Variants in FGF18 observed in about 807,000 individuals in gnomAD.
FGF18 encodes the protein fibroblast growth factor 18.
FGF18 carries 5 observed loss-of-function variants against 23.0 expected under a neutral mutation model. The ratio of observed to expected loss-of-function variants is 0.22; its 90% CI spans 0.11 to 0.46. The LOEUF (loss-of-function observed/expected upper bound fraction) is 0.46, where lower values mean the gene tolerates loss of function less well. FGF18 is among the 20% of genes least tolerant of loss of function. The probability of loss-of-function intolerance (pLI) is 0.99; values close to 1 mark genes in which losing one functional copy is unlikely to be tolerated. For missense variants in FGF18, 180 were observed against 291.6 expected (o/e 0.62, Z 2.79); for synonymous variants, 117 against 118.9 (o/e 0.98, Z 0.10).
intron 2 of FGF18, among the ~76,000 whole-genome samples, chr5:171,430,374 A>G (rs953718170): frequency 9.9e-5 from 15 of 151,904 alleles, no homozygotes; most frequent in Non-Finnish European, 1.8e-4. Context: ...AAAAAAAAAA[A>G]AATTGTACCA....
Position 171,436,053 on chromosome 5 carries a change from G to A in FGF18, c.70-40G>A, listed in dbSNP as rs1467892975. The A allele has an allele frequency of 2.1e-6, 3 of 1,447,986 alleles. No individual in the cohort carries two copies. The highest frequency in any genetic ancestry group is 5.0e-5 in the Admixed American group (2 of 40,316). The allele number at this position is 1,447,986 out of a possible 1,614,324, so 89.7% of individuals were successfully genotyped here. ...TGGCTCCTGCATGCAGTGGGCCTGG[G>A]ACATCTGGGGTGGCTTACTGTGTCC... is the stretch of plus-strand genomic sequence containing the variant. On this transcript the variant is annotated intron_variant, in intron 2 of 4. Coordinates refer to ENST00000274625, the MANE Select transcript of FGF18 (RefSeq NM_003862.3). This position sits in a 1 kb window ranked among gnomAD's most constrained non-coding sequence, Gnocchi z 4.4.
At chr5:171,444,480 T>A (rs1263383785) in intron 3 of FGF18, among the ~76,000 whole-genome samples, 1 of 152,134 alleles carries the variant, frequency 6.6e-6, no homozygotes. Flanking sequence ...CAGCACATCA[T>A]AAGCTCTAAA....
At chr5:171,425,316 T>G (rs1385650172) in intron 2 of FGF18, among the ~76,000 whole-genome samples, 1 of 152,138 alleles carries the variant, frequency 6.6e-6, no homozygotes, top group East Asian at 1.9e-4. Flanking sequence ...CGATCTCGGC[T>G]AACTGCAACC....
At chr5:171,448,589 G>A (rs1369976228) in intron 3 of FGF18, among the ~76,000 whole-genome samples, 1 of 152,068 alleles carries the variant, frequency 6.6e-6, no homozygotes, top group Admixed American at 6.6e-5. Context: ...GTGGTTATTT[G>A]TATGGCATCT....
At chr5:171,428,997 A>T (rs1392690972) in intron 2 of FGF18, among the ~76,000 whole-genome samples, 2 of 152,152 alleles carry the variant, frequency 1.3e-5, no homozygotes, top group Non-Finnish European at 2.9e-5. Flanking sequence ...CAATCAATAC[A>T]TTGATAGCCC....
chr5:171,454,164 GGAA>G (rs1772551280), intron 4 of FGF18, among the ~76,000 whole-genome samples: 1 of 152,126 alleles, frequency 6.6e-6, no homozygotes, highest in South Asian at 2.1e-4. Context: ...TCTTGAATGA[GGAA>G]GAAGAATTGT....
intron 2 of FGF18, among the ~76,000 whole-genome samples, 190 bp from the exon 3 acceptor site, chr5:171,435,903 C>T (rs1279015901): frequency 3.3e-5 from 5 of 152,172 alleles, no homozygotes; most frequent in East Asian, 1.9e-4. Context: ...CAACTTGCCT[C>T]GCCTCTCAGA....
At position 171,444,871 on chromosome 5, in the gene FGF18, G is replaced by A. The variant is rs530803139; in HGVS notation, c.251-4276G>A. Among the ~76,000 whole-genome samples, 11 of 152,358 alleles carry A rather than the reference G, an allele frequency of 7.2e-5. 1 individual carries two copies. The highest frequency in any genetic ancestry group is 2.4e-4 in the African/African-American group (10 of 41,588). ...ACTGGTCGCTCACTCTGAGCCGGGC[G>A]TGGGATAGGCGCTGGAAGTCAGAGT... On this transcript the variant is annotated intron_variant, in intron 3 of 4. Transcript: ENST00000274625.
chr5:171,432,091 C>A (rs944018100), intron 2 of FGF18, among the ~76,000 whole-genome samples: 1 of 152,138 alleles, frequency 6.6e-6, no homozygotes, highest in African/African-American at 2.4e-5. Flanking sequence ...TTCTTCAAAC[C>A]GCAGCTTTTC....
intron 2 of FGF18, among the ~76,000 whole-genome samples, chr5:171,423,337 G>A (rs575980026): frequency 1.3e-5 from 2 of 152,224 alleles, no homozygotes; most frequent in Non-Finnish European, 2.9e-5. Flanking sequence ...GGGAGCAAAC[G>A]GCGTGACCAG....
chr5:171,443,894 C>T (rs1772382532), intron 3 of FGF18, among the ~76,000 whole-genome samples: 1 of 151,986 alleles, frequency 6.6e-6, no homozygotes, highest in Non-Finnish European at 1.5e-5. Context: ...CCTGGGGAGA[C>T]AGGCTCTGTG....
rs1772594865 is a variant in FGF18, at chr5:171,456,981, A to G, written c.*176A>G. On this transcript the variant is annotated 3_prime_UTR_variant, in exon 5 of 5. Transcript: ENST00000274625. This position sits in a 1 kb window ranked among gnomAD's most constrained non-coding sequence, Gnocchi z 6.1. ...TGGGGGGAGGGGTGATAAGGATTTT[A>G]TTGTTGACTTGAAACCCCCGATGAC... 2 of 806,882 alleles carry G rather than the reference A, an allele frequency of 2.5e-6. No individual in the cohort carries two copies. Among genetic ancestry groups the G allele is most frequent in the South Asian group, 3.8e-5 (2 of 52,700 alleles). 50.0% of individuals were successfully genotyped at this position (806,882 alleles called of 1,614,324 possible).
chr5:171,430,218 C>T (rs954434085), intron 2 of FGF18, among the ~76,000 whole-genome samples: 1 of 151,870 alleles, frequency 6.6e-6, no homozygotes, highest in Non-Finnish European at 1.5e-5. Flanking sequence ...ATTCACTGGG[C>T]GCGGTGGCAG....
intron 3 of FGF18, among the ~76,000 whole-genome samples, chr5:171,438,041 C>T (rs2113346762): frequency 6.6e-6 from 1 of 152,184 alleles, no homozygotes. Flanking sequence ...CTTCTCTGGG[C>T]CTTGGTTTCT....
chr5:171,452,175 G>A (rs1241854226), intron 4 of FGF18, among the ~76,000 whole-genome samples: 2 of 152,336 alleles, frequency 1.3e-5, no homozygotes, highest in Non-Finnish European at 2.9e-5. Context: ...GAGCCTCAGC[G>A]TCGTCATCTG....
Position 171,456,354 on chromosome 5 carries a change from T to A in FGF18, c.358-185T>A, listed in dbSNP as rs1277115824. On this transcript the variant is annotated intron_variant, in intron 4 of 4. Coordinates refer to ENST00000274625, the MANE Select transcript of FGF18 (RefSeq NM_003862.3). The surrounding 1 kb of genome is among the most constrained non-coding windows in gnomAD (Gnocchi z 6.1). ...GTCATTTTCCACTCTGCTCCTTGGCTATAAACCCCCACCTGCCTGTGCCAT... is the reference window on the plus strand; with the variant it reads ...GTCATTTTCCACTCTGCTCCTTGGCAATAAACCCCCACCTGCCTGTGCCAT... Among the ~76,000 whole-genome samples the A allele has an allele frequency of 7.2e-5, 11 of 152,174 alleles. No homozygotes were observed. Among genetic ancestry groups the A allele is most frequent in the Admixed American group, 7.2e-4 (11 of 15,280 alleles).
At position 171,449,567 on chromosome 5, in the gene FGF18, G is replaced by T. The variant is rs543253779; in HGVS notation, c.357+314G>T. On this transcript the variant is annotated intron_variant, in intron 4 of 4. Transcript: ENST00000274625. The stretch of plus-strand genomic sequence containing the variant: ...TGGGTGTGGAGCTCTGGCTTGCTTG[G>T]TAGTGGGAGAATCCTTGAGGGGCTC... 1.2e-4 allele frequency among the ~76,000 whole-genome samples: 18 copies of T among 151,962 alleles called. No individual in the cohort carries two copies. The East Asian group carries it at 3.3e-3, about 28-fold the overall frequency.
At position 171,434,651 on chromosome 5, in the gene FGF18, G is replaced by A. The variant is rs1302098858; in HGVS notation, c.70-1442G>A. Among the ~76,000 whole-genome samples the A allele has an allele frequency of 6.6e-6, 1 of 152,150 alleles. No homozygotes were observed. The highest frequency in any genetic ancestry group is 1.5e-5 in the Non-Finnish European group (1 of 68,040). On this transcript the variant is annotated intron_variant, in intron 2 of 4. Coordinates refer to ENST00000274625, the MANE Select transcript of FGF18 (RefSeq NM_003862.3). The surrounding 1 kb of genome is among the most constrained non-coding windows in gnomAD (Gnocchi z 4.6). ...GATAGGACATGCATACAACCAGCAG[G>A]GTGTAGGGGACCCTGCTCCAATGGT...
Position 171,451,293 on chromosome 5 carries a change from C to T in FGF18, c.357+2040C>T, listed in dbSNP as rs192928997. On this transcript the variant is annotated intron_variant, in intron 4 of 4. Transcript: ENST00000274625. This position sits in a 1 kb window ranked among gnomAD's most constrained non-coding sequence, Gnocchi z 4.5. ...ACCCCAACCCTTGCCAGCCTCCTGTCTTCTGGGCCCACCCGGGGGACTCGA... is the reference window on the plus strand; with the variant it reads ...ACCCCAACCCTTGCCAGCCTCCTGTTTTCTGGGCCCACCCGGGGGACTCGA... Among the ~76,000 whole-genome samples the T allele has an allele frequency of 6.6e-3, 1,009 of 152,196 alleles. 11 individuals are homozygous for T. Among genetic ancestry groups the T allele is most frequent in the African/African-American group, 0.023 (958 of 41,554 alleles).
Sources: gnomAD v4.1 joint callset for allele counts (sites outside exome capture counted in the v4.1 genomes callset) on GRCh38, gnomAD v4.1.1 for gene constraint, Gnocchi (gnomAD v3.1) non-coding constraint, MANE v1.5 for transcripts, NCBI Gene and HGNC (gene_info 2026-07-23, HGNC 2026-07-21) for gene names.